ANK3: variants seen among roughly 807,000 people sequenced by gnomAD.
ANK3 encodes the protein ankyrin 3, also known as ankyrin-3.
Under a neutral mutation model 370.9 loss-of-function variants are expected in ANK3, and 57 were observed. The ratio of observed to expected loss-of-function variants is 0.15; its 90% CI spans 0.12 to 0.19. The LOEUF (loss-of-function observed/expected upper bound fraction) is 0.19, where lower values mean the gene tolerates loss of function less well. ANK3 is among the 10% of genes least tolerant of loss of function. The pLI is 1.00. For missense variants in ANK3, 4,439 were observed against 5,302.1 expected, an observed-to-expected ratio of 0.84 and a Z score of 5.06; for synonymous variants, 1,929 against 1,946.3, an observed-to-expected ratio of 0.99 and a Z score of 0.23.
At chr10:60,576,119 C>A (rs984096916) in intron 2 of ANK3, among the ~76,000 whole-genome samples, 1 of 152,120 alleles carries the variant, frequency 6.6e-6, no homozygotes, top group Non-Finnish European at 1.5e-5. Flanking sequence ...TCAGAAAAAA[C>A]ATAAGCTGAA....
chr10:60,053,357 A>C (rs967087886), intron 42 of ANK3, among the ~76,000 whole-genome samples: 4 of 152,200 alleles, frequency 2.6e-5, no homozygotes, highest in African/African-American at 9.7e-5. Flanking sequence ...TCAAAAGTAG[A>C]AGAGCATCTA....
intron 2 of ANK3, among the ~76,000 whole-genome samples, chr10:60,454,616 C>A (rs1303811761): frequency 1.3e-5 from 2 of 152,136 alleles, no homozygotes; most frequent in African/African-American, 4.8e-5. Flanking sequence ...ATAGGCCACC[C>A]TTTGGCTCTG....
intron 16 of ANK3, 55 bp downstream of exon 16, chr10:60,196,090 T>C (rs1412480150): frequency 6.8e-7 from 1 of 1,473,578 alleles, no homozygotes; most frequent in South Asian, 1.2e-5. Flanking sequence ...GATGTGCAGA[T>C]AGAGACTGAT....
intron 23 of ANK3, among the ~76,000 whole-genome samples, chr10:60,155,951 C>T (rs1042769686): frequency 2.0e-5 from 3 of 152,210 alleles, no homozygotes; most frequent in Admixed American, 1.3e-4. Context: ...TTTTGGGATT[C>T]GGACTGCCTT....
At chr10:60,586,558 A>G (rs959701245) in intron 2 of ANK3, among the ~76,000 whole-genome samples, 1 of 152,210 alleles carries the variant, frequency 6.6e-6, no homozygotes, top group African/African-American at 2.4e-5. Context: ...AGGGGAGGGC[A>G]CATGATTTGC....
At chr10:60,671,977 T>A (rs1241753369) in intron 1 of ANK3, among the ~76,000 whole-genome samples, 1 of 152,222 alleles carries the variant, frequency 6.6e-6, no homozygotes, top group African/African-American at 2.4e-5. Flanking sequence ...TAGTGAGAGA[T>A]CATGAATCGG....
At chr10:60,240,930 A>C (rs539908207) in intron 7 of ANK3, among the ~76,000 whole-genome samples, 10 of 152,284 alleles carry the variant, frequency 6.6e-5, no homozygotes, top group African/African-American at 2.4e-4. Flanking sequence ...TTCAGTAATG[A>C]GATTATAGAT....
Position 60,389,463 on chromosome 10 carries a change from T to C in ANK3, c.76A>G (p.Arg26Gly), listed in dbSNP as rs756621171. 81 of 1,613,942 alleles carry C rather than the reference T, an allele frequency of 5.0e-5. No homozygotes were observed. The highest frequency in any genetic ancestry group is 6.2e-5 in the Non-Finnish European group (73 of 1,179,908). The change falls in exon 1 of 44, where the codon AGG becomes GGG. Residue 26 changes from arginine (R) to glycine (G), a missense_variant. By Grantham distance (125) the Arg-to-Gly change is moderately radical (BLOSUM62 -2). Transcript: ENST00000280772. ...INAEEEPEKK[R>G]KHRKRSRDRK... Reference sequence around the variant, plus strand: ...TCCCGGGACCGTTTGCGGTGTTTCCTTTTTTTCTCAGGCTCTTCTTCAGCA... The same window carrying C: ...TCCCGGGACCGTTTGCGGTGTTTCCCTTTTTTCTCAGGCTCTTCTTCAGCA...
At chr10:60,184,280 A>C (rs1396798217) in intron 17 of ANK3, among the ~76,000 whole-genome samples, 2 of 152,216 alleles carry the variant, frequency 1.3e-5, no homozygotes, top group African/African-American at 4.8e-5. Flanking sequence ...AAACACTGGC[A>C]GCTCAGGAAA....
At chr10:60,363,276 C>G (rs899793265) in intron 1 of ANK3, among the ~76,000 whole-genome samples, 1 of 152,114 alleles carries the variant, frequency 6.6e-6, no homozygotes, top group African/African-American at 2.4e-5. Flanking sequence ...AGGCCAACAT[C>G]ACTAAACCGA....
intron 2 of ANK3, among the ~76,000 whole-genome samples, chr10:60,505,507 T>C (rs868449351): frequency 2.6e-5 from 4 of 152,252 alleles, no homozygotes; most frequent in Admixed American, 6.6e-5. Context: ...CAATTGTTCT[T>C]CTGGAAATTA....
intron 1 of ANK3, among the ~76,000 whole-genome samples, chr10:60,671,859 T>C (rs1269786666): frequency 3.9e-5 from 6 of 152,224 alleles, no homozygotes. Flanking sequence ...GTTGAGAAAC[T>C]GTAGCCTCCT....
chr10:60,596,565 G>A (rs1405145822), intron 2 of ANK3, among the ~76,000 whole-genome samples: 1 of 152,094 alleles, frequency 6.6e-6, no homozygotes, highest in Non-Finnish European at 1.5e-5. Context: ...TAGAATACAT[G>A]TTGAGAAGTA....
At chr10:60,279,390 A>G (rs2098131719) in intron 2 of ANK3, 148 bp downstream of exon 2, 4 of 716,172 alleles carry the variant, frequency 5.6e-6, no homozygotes, top group African/African-American at 1.8e-5. Context: ...ACATTTCTGA[A>G]TGTTCCTCTA....
chr10:60,101,817 A>AT (rs2091304296), intron 28 of ANK3, among the ~76,000 whole-genome samples: 2 of 152,082 alleles, frequency 1.3e-5, no homozygotes, highest in South Asian at 2.1e-4. Context: ...TACATACCAT[A>AT]TTTTTTGTGT....
At chr10:60,336,567 CTATCTATCTA>C (rs1182241159) in intron 1 of ANK3, among the ~76,000 whole-genome samples, 1 of 103,470 alleles carries the variant, frequency 9.7e-6, no homozygotes, top group Non-Finnish European at 1.8e-5. Context: ...ATCTGGAGAT[CTATCTATCTA>C]TCTATCTATC....
Position 60,036,893 on chromosome 10 carries a change from G to A in ANK3, c.*19+5779C>T, listed in dbSNP as rs564195760. Among the ~76,000 whole-genome samples, 6 of 152,148 alleles carry A rather than the reference G, an allele frequency of 3.9e-5. No homozygotes were observed. In the South Asian group the frequency reaches 6.2e-4, roughly 16 times the overall value. On this transcript the variant is annotated intron_variant, in intron 43 of 43. Transcript: ENST00000280772. ...TGATTCCCACATTTTTATATGCACA[G>A]CCCCAACTTTTCCTCAGAGCTTCGG...
chr10:60,693,510 T>C (rs1379393753), intron 1 of ANK3, among the ~76,000 whole-genome samples: 1 of 152,176 alleles, frequency 6.6e-6, no homozygotes, highest in Non-Finnish European at 1.5e-5. Context: ...GTCTGACAGC[T>C]TTGAAGAGAG....
At chr10:60,660,360 C>G in intron 1 of ANK3, among the ~76,000 whole-genome samples, 1 of 152,116 alleles carries the variant, frequency 6.6e-6, no homozygotes, top group East Asian at 1.9e-4. Flanking sequence ...AGCATCTCTC[C>G]CCTCAATCAG....
Sources: gnomAD v4.1 joint callset for allele counts (sites outside exome capture counted in the v4.1 genomes callset) on GRCh38, gnomAD v4.1.1 for gene constraint, MANE v1.5 for transcripts, NCBI Gene and HGNC (gene_info 2026-07-23, HGNC 2026-07-21) for gene names.